The following MACROD2 variants were observed in gnomAD, a reference collection of about 807,000 sequenced individuals.
The protein encoded by MACROD2 is mono-ADP ribosylhydrolase 2, also known as ADP-ribose glycohydrolase MACROD2.
MACROD2 carries 36 observed loss-of-function variants against 70.4 expected under a neutral mutation model. The observed-to-expected ratio is 0.51, with a 90% confidence interval of 0.39 to 0.68. The LOEUF is 0.68. MACROD2 is among the 30% of genes least tolerant of loss of function. The probability of loss-of-function intolerance (pLI) is 0.00; values close to 1 mark genes in which losing one functional copy is unlikely to be tolerated. For missense variants in MACROD2, 496 were observed against 538.4 expected (o/e 0.92, Z 0.78); for synonymous variants, 172 against 178.8 (o/e 0.96, Z 0.30).
At chr20:14,984,471 C>G (rs2074830946) in intron 5 of MACROD2, among the ~76,000 whole-genome samples, 1 of 152,198 alleles carries the variant, frequency 6.6e-6, no homozygotes, top group African/African-American at 2.4e-5. Flanking sequence ...GGATGCTCCC[C>G]TTGCTCTTTT....
intron 15 of MACROD2, among the ~76,000 whole-genome samples, chr20:15,996,082 C>A (rs1221478068): frequency 6.6e-6 from 1 of 152,112 alleles, no homozygotes; most frequent in Non-Finnish European, 1.5e-5. Flanking sequence ...GAATCTCATA[C>A]TATTTTCCAT....
At chr20:15,984,831 A>T (rs1035640384) in intron 13 of MACROD2, among the ~76,000 whole-genome samples, 1 of 152,182 alleles carries the variant, frequency 6.6e-6, no homozygotes, top group African/African-American at 2.4e-5. Flanking sequence ...AGTCTGAATT[A>T]ACTTAGAATT....
At chr20:14,474,567 TA>T (rs1330274705) in intron 3 of MACROD2, among the ~76,000 whole-genome samples, 1 of 152,152 alleles carries the variant, frequency 6.6e-6, no homozygotes, top group Non-Finnish European at 1.5e-5. Flanking sequence ...GAAAGTGGGG[TA>T]TTAAAGTCTT....
intron 4 of MACROD2, among the ~76,000 whole-genome samples, chr20:14,632,142 A>C (rs974822761): frequency 6.6e-6 from 1 of 152,164 alleles, no homozygotes; most frequent in Non-Finnish European, 1.5e-5. Flanking sequence ...ACTTACAGAG[A>C]AAGTAAGCTT....
intron 15 of MACROD2, among the ~76,000 whole-genome samples, chr20:16,038,482 T>C (rs983062530): frequency 9.2e-5 from 14 of 151,728 alleles, no homozygotes; most frequent in African/African-American, 3.1e-4. Flanking sequence ...TTCAACTGGG[T>C]CTACCTGCTG....
chr20:15,567,405 C>G (rs982246500), intron 8 of MACROD2, among the ~76,000 whole-genome samples: 1 of 152,136 alleles, frequency 6.6e-6, no homozygotes, highest in African/African-American at 2.4e-5. Context: ...ACGGATGTGG[C>G]CTCCATGTGG....
chr20:14,441,782 C>A (rs2084126644), intron 3 of MACROD2, among the ~76,000 whole-genome samples: 1 of 152,228 alleles, frequency 6.6e-6, no homozygotes, highest in South Asian at 2.1e-4. Flanking sequence ...AAAGACTCAG[C>A]AATATTAAAA....
At chr20:15,379,263 T>A (rs560561192) in intron 6 of MACROD2, among the ~76,000 whole-genome samples, 7 of 152,300 alleles carry the variant, frequency 4.6e-5, no homozygotes, top group South Asian at 4.1e-4. Flanking sequence ...ATGGATAGCA[T>A]CTTTATATAT....
chr20:15,966,496 C>G (rs908671237), intron 12 of MACROD2, among the ~76,000 whole-genome samples: 2 of 152,128 alleles, frequency 1.3e-5, no homozygotes, highest in African/African-American at 4.8e-5. Context: ...AATCCCAGCA[C>G]TTTGGGGGTA....
At chr20:14,417,652 A>G (rs1296402880) in intron 3 of MACROD2, among the ~76,000 whole-genome samples, 1 of 152,198 alleles carries the variant, frequency 6.6e-6, no homozygotes. Context: ...TAGACAAAAT[A>G]TTTTTATGAA....
intron 13 of MACROD2, among the ~76,000 whole-genome samples, chr20:15,984,083 TTA>T (rs1158245578): frequency 6.6e-6 from 1 of 151,862 alleles, no homozygotes; most frequent in Admixed American, 6.6e-5. Context: ...ATCTAATTTT[TTA>T]TGTTTGACCA....
At chr20:15,753,483 A>G (rs62194685) in intron 8 of MACROD2, among the ~76,000 whole-genome samples, 17,138 of 152,218 alleles carry the variant, frequency 0.11, 1,101 homozygotes, top group Admixed American at 0.14. Context: ...TCCATGGTGT[A>G]TATGTACCAC....
chr20:15,143,905 C>T (rs1483982398), intron 5 of MACROD2, among the ~76,000 whole-genome samples: 3 of 145,126 alleles, frequency 2.1e-5, no homozygotes, highest in African/African-American at 7.8e-5. Context: ...TCTCTTGAGC[C>T]ACACATAAAA....
At chr20:15,627,145 G>A (rs962316845) in intron 8 of MACROD2, among the ~76,000 whole-genome samples, 2 of 149,516 alleles carry the variant, frequency 1.3e-5, no homozygotes, top group African/African-American at 4.9e-5. Context: ...CAGTGATTTG[G>A]ATCATGTTCA....
intron 17 of MACROD2, among the ~76,000 whole-genome samples, chr20:16,047,923 AT>A: frequency 6.6e-6 from 1 of 152,316 alleles, no homozygotes; most frequent in Non-Finnish European, 1.5e-5. Flanking sequence ...CAAGAAATTA[AT>A]AGAAAGACTT....
rs922571447 is a variant in MACROD2 at position 14,237,372 on chromosome 20, C to T, written c.271+151644C>T. Among the ~76,000 whole-genome samples the T allele has an allele frequency of 3.3e-5, 5 of 151,730 alleles. No individual in the cohort carries two copies. The South Asian group carries it at 6.2e-4, about 19-fold the overall frequency. On this transcript the variant is annotated intron_variant, in intron 3 of 17. Coordinates refer to ENST00000684519, the MANE Select transcript of MACROD2 (RefSeq NM_001351661.2). ...CATCTCTGCACATTCTCTTTTTTTC[C>T]TCACTTAGTGGGACTCCTATGAGAC...
chr20:15,101,387 T>A (rs944750810), intron 5 of MACROD2, among the ~76,000 whole-genome samples: 1 of 151,980 alleles, frequency 6.6e-6, no homozygotes. Context: ...TATTTTTGAT[T>A]TATTTGAATC....
intron 5 of MACROD2, among the ~76,000 whole-genome samples, chr20:14,742,363 G>A (rs6074787): frequency 0.41 from 62,449 of 151,892 alleles, 14,132 homozygotes; most frequent in Non-Finnish European, 0.51. Flanking sequence ...CAGAAATATG[G>A]AGTCATGGTC....
chr20:14,513,770 G>T (rs1275742398), intron 4 of MACROD2, among the ~76,000 whole-genome samples: 2 of 151,836 alleles, frequency 1.3e-5, no homozygotes, highest in East Asian at 3.9e-4. Context: ...TTTTTCATAT[G>T]GATTGATTAT....
Sources: gnomAD v4.1 joint callset for allele counts (sites outside exome capture counted in the v4.1 genomes callset) on GRCh38, gnomAD v4.1.1 for gene constraint, MANE v1.5 for transcripts, NCBI Gene and HGNC (gene_info 2026-07-23, HGNC 2026-07-21) for gene names.